DOCK4: variants seen among roughly 807,000 people sequenced by gnomAD.
DOCK4 encodes dedicator of cytokinesis protein 4.
A neutral mutation model predicts 268.1 loss-of-function variants in DOCK4; 97 were observed. The ratio of observed to expected loss-of-function variants is 0.36; its 90% CI spans 0.31 to 0.43. DOCK4 has a LOEUF of 0.43. DOCK4 is among the 20% of genes least tolerant of loss of function. The pLI is 1.00. For synonymous variants in DOCK4, 954 were observed against 887.2 expected (o/e 1.08, Z -1.34); for missense variants, 2,145 against 2,455.7 (o/e 0.87, Z 2.67).
chr7:111,983,858 G>GTGCA (rs1562961152), intron 7 of DOCK4, among the ~76,000 whole-genome samples: 4 of 89,944 alleles, frequency 4.4e-5, no homozygotes, highest in Non-Finnish European at 8.1e-5. Flanking sequence ...GCGCGCGCGC[G>GTGCA]CGCGCACACA....
chr7:112,174,532 A>T (rs529874238), intron 1 of DOCK4, among the ~76,000 whole-genome samples: 1 of 152,160 alleles, frequency 6.6e-6, no homozygotes, highest in East Asian at 1.9e-4. Flanking sequence ...ACACAAACAC[A>T]CACATGGAAA....
chr7:112,035,117 G>A (rs1803641183), intron 1 of DOCK4, among the ~76,000 whole-genome samples: 1 of 152,024 alleles, frequency 6.6e-6, no homozygotes. Flanking sequence ...CACACCCTTG[G>A]ATTAAAAGCA....
intron 1 of DOCK4, among the ~76,000 whole-genome samples, chr7:112,120,022 T>C (rs1405324773): frequency 6.6e-6 from 1 of 152,082 alleles, no homozygotes; most frequent in African/African-American, 2.4e-5. Context: ...TAATCTTTTG[T>C]ATTTTTAGTA....
intron 12 of DOCK4, among the ~76,000 whole-genome samples, chr7:111,929,265 T>C (rs1300242598): frequency 1.3e-5 from 2 of 152,130 alleles, no homozygotes; most frequent in Non-Finnish European, 2.9e-5. Context: ...TATATGACTA[T>C]ATGCACACAC....
rs535776327 is a variant in DOCK4, at chr7:111,752,501, T to A, written c.4416+3014A>T. 5.9e-5 allele frequency among the ~76,000 whole-genome samples: 9 copies of A among 152,220 alleles called. No individual in the cohort carries two copies. In the East Asian group the frequency reaches 1.7e-3, roughly 29 times the overall value. ...ATGAAAATATTCTCGTAATCTTTAGTTGGATTTTTAAAAAATCATTTATGG... is the reference window on the plus strand; with the variant it reads ...ATGAAAATATTCTCGTAATCTTTAGATGGATTTTTAAAAAATCATTTATGG... On this transcript the variant is annotated intron_variant, in intron 42 of 52. Transcript: ENST00000428084.
intron 12 of DOCK4, among the ~76,000 whole-genome samples, chr7:111,925,891 T>A (rs1793576723): frequency 6.6e-6 from 1 of 151,564 alleles, no homozygotes; most frequent in Non-Finnish European, 1.5e-5. Flanking sequence ...ATCGAGACTA[T>A]CCTGGCCAAC....
intron 1 of DOCK4, among the ~76,000 whole-genome samples, chr7:112,163,116 G>A (rs979944157): frequency 6.6e-6 from 1 of 152,120 alleles, no homozygotes; most frequent in African/African-American, 2.4e-5. Flanking sequence ...ATTAAGACAC[G>A]GCAAGCTAGT....
intron 1 of DOCK4, among the ~76,000 whole-genome samples, chr7:112,019,055 C>T (rs757866734): frequency 3.9e-5 from 6 of 152,118 alleles, no homozygotes; most frequent in Admixed American, 6.6e-5. Context: ...CATAACATTG[C>T]GATCCAGCTA....
chr7:111,880,694 C>T (rs970530865), intron 16 of DOCK4, among the ~76,000 whole-genome samples: 1 of 151,996 alleles, frequency 6.6e-6, no homozygotes, highest in Non-Finnish European at 1.5e-5. Context: ...CTATAGTAAC[C>T]AAAACAGCAT....
At chr7:112,051,019 C>T (rs1805302754) in intron 1 of DOCK4, among the ~76,000 whole-genome samples, 1 of 151,972 alleles carries the variant, frequency 6.6e-6, no homozygotes, top group Non-Finnish European at 1.5e-5. Flanking sequence ...TAAAATATGG[C>T]CATTGCTCAC....
chr7:112,095,191 G>T (rs1810005188), intron 1 of DOCK4, among the ~76,000 whole-genome samples: 2 of 152,066 alleles, frequency 1.3e-5, no homozygotes, highest in Admixed American at 1.3e-4. Flanking sequence ...ATTTTATATG[G>T]ATTATGAGCA....
At chr7:112,142,127 C>G (rs1051387122) in intron 1 of DOCK4, among the ~76,000 whole-genome samples, 1 of 152,032 alleles carries the variant, frequency 6.6e-6, no homozygotes, top group African/African-American at 2.4e-5. Flanking sequence ...TCACAATGTC[C>G]CTGTGAGGTA....
rs117493362 is a variant in DOCK4, at chr7:112,060,346, T to G, written c.38-56215A>C. The stretch of plus-strand genomic sequence containing the variant: ...AAATGTTGGTGAGGATATGGAGAAA[T>G]TGGAACCCTTATGCACTGTCGGTAG... On this transcript the variant is annotated intron_variant, in intron 1 of 52. Coordinates refer to ENST00000428084, the MANE Select transcript of DOCK4 (RefSeq NM_001363540.2). Among the ~76,000 whole-genome samples the G allele has an allele frequency of 2.7e-3, 416 of 152,264 alleles. 1 individual carries two copies. Among genetic ancestry groups the G allele is most frequent in the Non-Finnish European group, 4.7e-3 (322 of 68,018 alleles).
In DOCK4 at chr7:111,877,119, A is replaced by G; in HGVS notation, c.1655T>C (p.Phe552Ser). The G allele has an allele frequency of 6.3e-7, 1 of 1,592,748 alleles. No individual in the cohort carries two copies. Among genetic ancestry groups the G allele is most frequent in the South Asian group, 1.1e-5 (1 of 87,118 alleles). Residue 552 changes from phenylalanine (F) to serine (S), a missense_variant, in exon 17 of 53, where the codon TTC becomes TCC. Phe to Ser is a radical substitution (Grantham distance 155). This residue lies in a region of DOCK4 where 1,598 missense variants were observed against 1,986.7 expected (regional missense o/e 0.80). Coordinates refer to ENST00000428084, the MANE Select transcript of DOCK4 (RefSeq NM_001363540.2). ...YLKLPFSKGIFLGNNNQAMKA... is the reference protein window; with the variant it reads ...YLKLPFSKGISLGNNNQAMKA... ...CATGGCTTGATTATTATTCCCAAGG[A>G]AAATGCCCTTGGAAAAGGGAAGTTT...
At chr7:112,020,550 G>A (rs2135408308) in intron 1 of DOCK4, among the ~76,000 whole-genome samples, 1 of 152,198 alleles carries the variant, frequency 6.6e-6, no homozygotes, top group East Asian at 1.9e-4. Flanking sequence ...TGTCAATCAT[G>A]TGTTGTAGTC....
chr7:111,825,555 A>G (rs553834014), intron 26 of DOCK4, among the ~76,000 whole-genome samples: 133 of 152,346 alleles, frequency 8.7e-4, no homozygotes, highest in Middle Eastern at 6.8e-3. Flanking sequence ...TGCCATGCCT[A>G]TAATATTCCT....
At chr7:111,816,197 A>G (rs1458396004) in intron 27 of DOCK4, among the ~76,000 whole-genome samples, 1 of 152,258 alleles carries the variant, frequency 6.6e-6, no homozygotes, top group East Asian at 1.9e-4. Context: ...CTCCAATTTG[A>G]TAATCTGCTC....
chr7:111,806,081 T>C (rs1800644098), intron 30 of DOCK4, among the ~76,000 whole-genome samples: 1 of 152,206 alleles, frequency 6.6e-6, no homozygotes, highest in South Asian at 2.1e-4. Flanking sequence ...TCCTCCAAAA[T>C]ACTTGCATAT....
chr7:111,886,700 G>A (rs1008548743), intron 16 of DOCK4, among the ~76,000 whole-genome samples: 13 of 152,134 alleles, frequency 8.5e-5, no homozygotes, highest in African/African-American at 2.7e-4. Flanking sequence ...ACCATTCAAC[G>A]CAATGTGGGA....
Sources: allele counts gnomAD v4.1 joint callset (sites outside exome capture counted in the v4.1 genomes callset), GRCh38; gene constraint gnomAD v4.1.1; regional missense constraint gnomAD v4.1.1; transcripts MANE v1.5; gene names NCBI Gene and HGNC (gene_info 2026-07-23, HGNC 2026-07-21).